CNDP1: variants seen among roughly 807,000 people sequenced by gnomAD.
CNDP1 encodes carnosine dipeptidase 1.
Under a neutral mutation model 58.1 loss-of-function variants are expected in CNDP1, and 44 were observed. The observed-to-expected ratio is 0.76, with a 90% CI of 0.60 to 0.97. The LOEUF (loss-of-function observed/expected upper bound fraction) is 0.97. CNDP1 is among the 50% of genes least tolerant of loss of function. The pLI, the probability that CNDP1 is intolerant of heterozygous loss-of-function variation, is 0.00. For missense variants in CNDP1, 616 were observed against 655.1 expected, an observed-to-expected ratio of 0.94 and a Z score of 0.65; for synonymous variants, 254 against 252.6, an observed-to-expected ratio of 1.01 and a Z score of -0.05.
intron 1 of CNDP1, among the ~76,000 whole-genome samples, chr18:74,538,578 A>G (rs1420461801): frequency 2.0e-5 from 3 of 152,166 alleles, no homozygotes; most frequent in Non-Finnish European, 4.4e-5. Context: ...CGGTTGATAC[A>G]GTAGCTCCGT....
rs1980434642 is a variant in CNDP1, at chr18:74,534,542, G to A, written c.-126G>A. On this transcript the variant is annotated 5_prime_UTR_variant, in exon 1 of 12. Transcript: ENST00000358821. ...CTATACCAGCCTCGTCTTCCTTCCG[G>A]GGGACAACGTGGGTCAGGGCACAGA... 1.0e-6 allele frequency: 1 copy of A among 970,050 alleles called. No homozygotes were observed. The highest frequency in any genetic ancestry group is 1.6e-6 in the Non-Finnish European group (1 of 615,604). 60.1% of individuals were successfully genotyped at this position (970,050 alleles called of 1,614,324 possible). A position where few individuals can be genotyped will look rare whatever the true frequency, so the allele number is the denominator to read the frequency against.
intron 7 of CNDP1, among the ~76,000 whole-genome samples, chr18:74,573,244 C>G (rs74447415): frequency 0.038 from 5,821 of 152,090 alleles, 368 homozygotes; most frequent in African/African-American, 0.13. Context: ...AACTATCTGT[C>G]TATCCATCCA....
intron 7 of CNDP1, among the ~76,000 whole-genome samples, chr18:74,574,416 T>A (rs1981576366): frequency 6.6e-6 from 1 of 152,214 alleles, no homozygotes; most frequent in South Asian, 2.1e-4. Flanking sequence ...TTTCCTATTC[T>A]TTGCATTTCC....
chr18:74,569,955 G>A (rs1387127779), intron 6 of CNDP1, among the ~76,000 whole-genome samples: 1 of 151,586 alleles, frequency 6.6e-6, no homozygotes, highest in African/African-American at 2.4e-5. Context: ...CGAGGCTGAG[G>A]CGGGTGGATC....
intron 1 of CNDP1, among the ~76,000 whole-genome samples, chr18:74,553,332 T>A (rs2144649714): frequency 6.6e-6 from 1 of 152,332 alleles, no homozygotes; most frequent in South Asian, 2.1e-4. Flanking sequence ...TAAGAAACCA[T>A]CACCTCATCC....
intron 1 of CNDP1, among the ~76,000 whole-genome samples, chr18:74,541,039 C>T (rs1372868263): frequency 6.6e-6 from 1 of 152,186 alleles, no homozygotes; most frequent in African/African-American, 2.4e-5. Context: ...CACCCACTAG[C>T]GGCGTTCTGG....
At chr18:74,583,155 T>C (rs965663015) in intron 10 of CNDP1, among the ~76,000 whole-genome samples, 4 of 152,050 alleles carry the variant, frequency 2.6e-5, no homozygotes, top group African/African-American at 9.7e-5. Context: ...TACAGGCATA[T>C]ACCACCATGC....
chr18:74,561,071 A>AG, intron 4 of CNDP1, 53 bp downstream of exon 4: 1 of 1,582,352 alleles, frequency 6.3e-7, no homozygotes, highest in Non-Finnish European at 8.6e-7. Context: ...GCAAGATTGA[A>AG]GGGGTGAAGA....
chr18:74,570,242 TA>T (rs35771415), intron 6 of CNDP1, among the ~76,000 whole-genome samples: 100,493 of 145,710 alleles, frequency 0.69, 35,005 homozygotes, highest in African/African-American at 0.79. Flanking sequence ...AATAAATAAT[TA>T]AAAAAAAAGA....
chr18:74,542,669 G>C (rs1261162592), intron 1 of CNDP1, among the ~76,000 whole-genome samples: 2 of 152,144 alleles, frequency 1.3e-5, no homozygotes, highest in East Asian at 1.9e-4. Context: ...GGGACTATAG[G>C]TATGCACCAC....
At chr18:74,569,798 G>A (rs1568298204) in intron 6 of CNDP1, among the ~76,000 whole-genome samples, 1 of 152,278 alleles carries the variant, frequency 6.6e-6, no homozygotes, top group East Asian at 1.9e-4. Context: ...CCACAAGGCA[G>A]TCAGTATTGT....
intron 1 of CNDP1, among the ~76,000 whole-genome samples, chr18:74,544,111 G>C (rs1234847551): frequency 2.0e-5 from 3 of 152,070 alleles, no homozygotes; most frequent in Admixed American, 1.3e-4. Flanking sequence ...AAATAAGCCG[G>C]CTTGGTGTTG....
intron 1 of CNDP1, among the ~76,000 whole-genome samples, chr18:74,537,326 G>T (rs532546512): frequency 1.3e-5 from 2 of 152,282 alleles, no homozygotes; most frequent in Non-Finnish European, 2.9e-5. Context: ...ATGTAAGGAA[G>T]GGGTCCAGTT....
chr18:74,550,720 G>A (rs1469274988), intron 1 of CNDP1, among the ~76,000 whole-genome samples: 4 of 151,206 alleles, frequency 2.6e-5, no homozygotes, highest in African/African-American at 4.9e-5. Flanking sequence ...GGGACTACAG[G>A]CACCTGCCAC....
intron 1 of CNDP1, among the ~76,000 whole-genome samples, chr18:74,550,255 C>T (rs1306609564): frequency 6.6e-6 from 1 of 152,194 alleles, no homozygotes; most frequent in Admixed American, 6.5e-5. Flanking sequence ...TGGGAGCCCA[C>T]CCCTTGCAGC....
intron 10 of CNDP1, among the ~76,000 whole-genome samples, chr18:74,583,008 ATTTAT>A (rs1981825054): frequency 6.6e-6 from 1 of 151,980 alleles, no homozygotes; most frequent in Admixed American, 6.6e-5. Flanking sequence ...TTACAATTGT[ATTTAT>A]TTATTTATTT....
intron 1 of CNDP1, among the ~76,000 whole-genome samples, chr18:74,535,986 T>A (rs1280293345): frequency 6.6e-6 from 1 of 152,132 alleles, no homozygotes; most frequent in Non-Finnish European, 1.5e-5. Context: ...GAGCCATGGT[T>A]GCGCCACTGC....
At chr18:74,538,469 G>A (rs988028159) in intron 1 of CNDP1, among the ~76,000 whole-genome samples, 28 of 152,024 alleles carry the variant, frequency 1.8e-4, no homozygotes, top group African/African-American at 6.3e-4. Context: ...TCCACCATTC[G>A]GCTGTTATGA....
In CNDP1 at chr18:74,586,040, A is replaced by G. The variant is rs577847471; in HGVS notation, c.*1478A>G. ...AAAAAGCAGAACACATTTGCGTTCA[A>G]CTTTTTTCCATCACTCTGTTGGTTC... On this transcript the variant is annotated 3_prime_UTR_variant, in exon 12 of 12. Coordinates refer to ENST00000358821, the MANE Select transcript of CNDP1 (RefSeq NM_032649.6). The G allele has an allele frequency of 2.2e-4, 33 of 150,376 alleles. No individual in the cohort carries two copies. Among genetic ancestry groups the G allele is most frequent in the African/African-American group, 7.8e-4 (32 of 41,012 alleles). The allele number at this position is 150,376 out of a possible 1,614,324, so 9.3% of individuals were successfully genotyped here.
Sources: allele counts gnomAD v4.1 joint callset (sites outside exome capture counted in the v4.1 genomes callset), GRCh38; gene constraint gnomAD v4.1.1; transcripts MANE v1.5; gene names NCBI Gene and HGNC (gene_info 2026-07-23, HGNC 2026-07-21).